The following PTPRZ1 variants were observed in gnomAD, a reference collection of about 807,000 sequenced individuals.
PTPRZ1 encodes protein tyrosine phosphatase receptor type Z1.
A neutral mutation model predicts 214.1 loss-of-function variants in PTPRZ1; 82 were observed. The observed-to-expected ratio is 0.38, with a 90% confidence interval of 0.32 to 0.46. The LOEUF (loss-of-function observed/expected upper bound fraction) is 0.46, where lower values mean the gene tolerates loss of function less well. PTPRZ1 is among the 20% of genes least tolerant of loss of function. The probability of loss-of-function intolerance (pLI) is 1.00; values close to 1 mark genes in which losing one functional copy is unlikely to be tolerated. For missense variants in PTPRZ1, 2,603 were observed against 2,748.7 expected, an observed-to-expected ratio of 0.95 and a Z score of 1.19; for synonymous variants, 945 against 987.9, an observed-to-expected ratio of 0.96 and a Z score of 0.81.
At chr7:121,984,421 C>T (rs1797707439) in intron 8 of PTPRZ1, among the ~76,000 whole-genome samples, 1 of 152,064 alleles carries the variant, frequency 6.6e-6, no homozygotes, top group African/African-American at 2.4e-5. Flanking sequence ...AAGTACACAC[C>T]TCCAAGTTCA....
intron 13 of PTPRZ1, among the ~76,000 whole-genome samples, chr7:122,023,392 G>T (rs548003165): frequency 1.0e-4 from 15 of 149,270 alleles, no homozygotes; most frequent in Admixed American, 6.8e-4. Flanking sequence ...ATTTGGGTAG[G>T]TTCACTAGAT....
At chr7:121,951,987 C>G (rs940558345) in intron 2 of PTPRZ1, among the ~76,000 whole-genome samples, 1 of 145,332 alleles carries the variant, frequency 6.9e-6, no homozygotes, top group Non-Finnish European at 1.5e-5. Context: ...GAGACGGAGT[C>G]TCGCTCTGTC....
At chr7:122,051,125 A>G (rs1022477489) in intron 23 of PTPRZ1, among the ~76,000 whole-genome samples, 1 of 152,198 alleles carries the variant, frequency 6.6e-6, no homozygotes, top group Non-Finnish European at 1.5e-5. Context: ...TGAGATTTAA[A>G]TAGAGGAAAT....
chr7:122,015,538 G>A (rs1798818143), intron 12 of PTPRZ1, among the ~76,000 whole-genome samples: 1 of 152,024 alleles, frequency 6.6e-6, no homozygotes, highest in Admixed American at 6.5e-5. Context: ...GGTCACTATA[G>A]TCATTAGTGC....
At chr7:122,043,733 C>A (rs1036056567) in intron 22 of PTPRZ1, among the ~76,000 whole-genome samples, 1 of 152,056 alleles carries the variant, frequency 6.6e-6, no homozygotes. Context: ...TAGAGGGGAA[C>A]AACACACACT....
chr7:121,928,305 A>G, intron 2 of PTPRZ1, 84 bp downstream of exon 2: 1 of 931,284 alleles, frequency 1.1e-6, no homozygotes, highest in Non-Finnish European at 1.7e-6. Flanking sequence ...GAAGCTTTGT[A>G]GCACAACACA....
intron 13 of PTPRZ1, 65 bp from the exon 14 acceptor site, chr7:122,028,487 C>A (rs1282808426): frequency 2.4e-6 from 3 of 1,231,924 alleles, no homozygotes; most frequent in African/African-American, 1.5e-5. Context: ...AATTTTCAAG[C>A]AGCTCAGAAA....
rs763160827 is a variant in PTPRZ1 at position 122,013,856 on chromosome 7, G to A, written c.4810G>A (p.Glu1604Lys). Residue 1604 changes from glutamate to lysine, a missense_variant, in exon 12 of 30, where the codon GAG (glutamate) becomes AAG (lysine). Transcript: ENST00000393386. Reference sequence around the variant, plus strand: ...GTCCCCAACATCATCTGTTACTAGCGAGAACTCAGAAGTGTTCCACGTTTC... The same window carrying A: ...GTCCCCAACATCATCTGTTACTAGCAAGAACTCAGAAGTGTTCCACGTTTC... The part of the protein sequence containing the change: ...PQSPTSSVTS[E>K]NSEVFHVSEA... 1.6e-5 allele frequency: 26 copies of A among 1,612,662 alleles called. No individual in the cohort carries two copies. Among genetic ancestry groups the A allele is most frequent in the African/African-American group, 5.3e-5 (4 of 74,870 alleles).
In PTPRZ1 at chr7:122,010,331, A is replaced by G; in HGVS notation, c.1288-3A>G. The G allele has an allele frequency of 6.3e-7, 1 of 1,589,046 alleles. No individual in the cohort carries two copies. Among genetic ancestry groups the G allele is most frequent in the Non-Finnish European group, 8.5e-7 (1 of 1,171,952 alleles). ...CTCATTAAATCTTGTTTGCTTTTCA[A>G]AGGAGGAGGAAGAGGGAAAAGACAT... On this transcript the variant is annotated splice_polypyrimidine_tract_variant and splice_region_variant and intron_variant, in intron 11 of 29. Transcript: ENST00000393386.
At chr7:121,988,569 T>C (rs1191925778) in intron 8 of PTPRZ1, among the ~76,000 whole-genome samples, 3 of 152,102 alleles carry the variant, frequency 2.0e-5, no homozygotes, top group Non-Finnish European at 4.4e-5. Context: ...GCTTCAGGGG[T>C]GTTTATGTGC....
At chr7:122,007,120 A>G (rs1415788458) in intron 11 of PTPRZ1, among the ~76,000 whole-genome samples, 1 of 152,122 alleles carries the variant, frequency 6.6e-6, no homozygotes, top group African/African-American at 2.4e-5. Context: ...CAACACACTG[A>G]GGAAGGAGTC....
At position 122,012,265 on chromosome 7, in the gene PTPRZ1, C is replaced by T; in HGVS notation, c.3219C>T (p.Asn1073=). Residue 1073 remains asparagine, a synonymous_variant, in exon 12 of 30, where the codon AAC becomes AAT. Coordinates refer to ENST00000393386, the MANE Select transcript of PTPRZ1 (RefSeq NM_002851.3). ...CTTCTGAAAGCACAGTCATGCCCAA[C>T]ATGTATGATAATGTAAATAAGTTGA... The part of the protein sequence containing the change: ...VYPSESTVMP[N]MYDNVNKLNA... 1.2e-6 allele frequency: 2 copies of T among 1,614,128 alleles called. No homozygotes were observed. Among genetic ancestry groups the T allele is most frequent in the Non-Finnish European group, 1.7e-6 (2 of 1,180,014 alleles).
chr7:121,988,356 T>C (rs147785338), intron 8 of PTPRZ1, among the ~76,000 whole-genome samples: 85 of 152,230 alleles, frequency 5.6e-4, no homozygotes, highest in African/African-American at 1.9e-3. Context: ...GAGACAGCAA[T>C]GAAATAGAAA....
intron 1 of PTPRZ1, among the ~76,000 whole-genome samples, chr7:121,881,587 C>G (rs564380142): frequency 1.7e-3 from 252 of 152,286 alleles, no homozygotes; most frequent in Non-Finnish European, 2.9e-3. Flanking sequence ...TTATGCTGTC[C>G]TAAAACAAAG....
chr7:121,933,166 A>AAAC (rs1419232043), intron 2 of PTPRZ1, among the ~76,000 whole-genome samples: 4 of 151,770 alleles, frequency 2.6e-5, no homozygotes, highest in Admixed American at 1.3e-4. Flanking sequence ...AAAAAAAAAA[A>AAAC]AAGATAAAGT....
chr7:121,924,833 C>T (rs1795709318), intron 1 of PTPRZ1, among the ~76,000 whole-genome samples: 2 of 152,138 alleles, frequency 1.3e-5, no homozygotes, highest in South Asian at 4.1e-4. Flanking sequence ...TTCCTATGGC[C>T]AGTGCAGTTT....
chr7:122,002,932 G>T (rs1025320689), intron 10 of PTPRZ1, among the ~76,000 whole-genome samples: 4 of 152,130 alleles, frequency 2.6e-5, no homozygotes. Flanking sequence ...ATAAAACTAG[G>T]TATTGTCTAA....
chr7:121,893,827 G>A (rs531707933), intron 1 of PTPRZ1, among the ~76,000 whole-genome samples: 2 of 151,988 alleles, frequency 1.3e-5, no homozygotes, highest in African/African-American at 4.8e-5. Flanking sequence ...TATTTATAGG[G>A]TTCCAGATAG....
intron 1 of PTPRZ1, among the ~76,000 whole-genome samples, chr7:121,918,461 C>T (rs1795490646): frequency 6.6e-6 from 1 of 152,252 alleles, no homozygotes; most frequent in South Asian, 2.1e-4. Context: ...AAGTACTTAA[C>T]TTGCCTACTA....
Sources: gnomAD v4.1 joint callset for allele counts (sites outside exome capture counted in the v4.1 genomes callset) on GRCh38, gnomAD v4.1.1 for gene constraint, MANE v1.5 for transcripts, NCBI Gene and HGNC (gene_info 2026-07-23, HGNC 2026-07-21) for gene names.